The following RORA variants were observed in gnomAD, a reference collection of about 807,000 sequenced individuals.
The protein encoded by RORA is nuclear receptor ROR-alpha.
A neutral mutation model predicts 69.5 loss-of-function variants in RORA; 7 were observed. The observed-to-expected ratio is 0.10, with a 90% CI of 0.06 to 0.19. RORA has a LOEUF of 0.19. Among genes scored for constraint, RORA ranks in the 10% least tolerant of loss-of-function variants. The pLI, the probability that RORA is intolerant of heterozygous loss-of-function variation, is 1.00. For synonymous variants in RORA, 261 were observed against 240.8 expected (o/e 1.08, Z -0.78); for missense variants, 457 against 663.0 (o/e 0.69, Z 3.41).
intron 1 of RORA, among the ~76,000 whole-genome samples, chr15:60,704,031 A>G (rs1436667960): frequency 3.9e-5 from 6 of 152,242 alleles, no homozygotes; most frequent in Non-Finnish European, 8.8e-5. Flanking sequence ...GGGTACAATA[A>G]AATGAACTTG....
chr15:61,080,028 A>T (rs191253838), intron 1 of RORA, among the ~76,000 whole-genome samples: 1 of 152,294 alleles, frequency 6.6e-6, no homozygotes, highest in East Asian at 1.9e-4. Flanking sequence ...CACAGTAAGG[A>T]TTATGGGAAT....
At chr15:61,011,645 A>G (rs1895090939) in intron 1 of RORA, among the ~76,000 whole-genome samples, 2 of 152,306 alleles carry the variant, frequency 1.3e-5, no homozygotes, top group South Asian at 4.1e-4. Flanking sequence ...CATAAAAAGT[A>G]TTAGCTATTT....
intron 1 of RORA, among the ~76,000 whole-genome samples, chr15:61,012,127 A>G (rs1248858233): frequency 1.3e-5 from 2 of 152,238 alleles, no homozygotes; most frequent in African/African-American, 4.8e-5. Context: ...ATTTACTGTG[A>G]GGCTCTGTGC....
intron 2 of RORA, among the ~76,000 whole-genome samples, chr15:60,594,861 T>A (rs1329987268): frequency 6.6e-6 from 1 of 152,244 alleles, no homozygotes; most frequent in African/African-American, 2.4e-5. Context: ...CTTCATTCAC[T>A]TCCTACAACT....
At chr15:60,624,156 T>C (rs938419773) in intron 2 of RORA, among the ~76,000 whole-genome samples, 6 of 152,132 alleles carry the variant, frequency 3.9e-5, no homozygotes, top group African/African-American at 1.4e-4. Flanking sequence ...TAAGGTATTG[T>C]TCAACATTGG....
chr15:60,536,739 G>A (rs2066692364), intron 2 of RORA, among the ~76,000 whole-genome samples: 1 of 152,240 alleles, frequency 6.6e-6, no homozygotes. Context: ...GCCAATGGCC[G>A]AACCTTGGGT....
intron 1 of RORA, among the ~76,000 whole-genome samples, chr15:61,098,670 G>C (rs1242611738): frequency 1.3e-5 from 2 of 152,032 alleles, no homozygotes; most frequent in African/African-American, 4.8e-5. Context: ...AGCTGTAAAG[G>C]GCTTCCATGT....
chr15:60,535,712 G>T (rs780924644), intron 2 of RORA, among the ~76,000 whole-genome samples: 1 of 152,134 alleles, frequency 6.6e-6, no homozygotes, highest in Non-Finnish European at 1.5e-5. Context: ...AATAAAAATT[G>T]TATGACAGGC....
At chr15:60,612,514 G>A (rs2069116142) in intron 2 of RORA, among the ~76,000 whole-genome samples, 1 of 152,038 alleles carries the variant, frequency 6.6e-6, no homozygotes, top group South Asian at 2.1e-4. Context: ...TTCCTGAATT[G>A]TCATTCTTAG....
intron 1 of RORA, among the ~76,000 whole-genome samples, chr15:60,799,058 G>A (rs2072542306): frequency 6.6e-6 from 1 of 152,006 alleles, no homozygotes; most frequent in Admixed American, 6.5e-5. Context: ...TCAGTGAGAG[G>A]GCAGGGACCT....
At chr15:60,644,884 T>C (rs183400931) in intron 2 of RORA, among the ~76,000 whole-genome samples, 1 of 152,300 alleles carries the variant, frequency 6.6e-6, no homozygotes, top group Non-Finnish European at 1.5e-5. Context: ...GCCCGTCTTA[T>C]GAAGGTGGCT....
chr15:61,115,215 T>G (rs1475811173), intron 1 of RORA, among the ~76,000 whole-genome samples: 2 of 152,048 alleles, frequency 1.3e-5, no homozygotes, highest in Non-Finnish European at 2.9e-5. Context: ...GGCTTTCGCA[T>G]CCTTTAATTT....
chr15:60,762,873 C>T (rs556501108), intron 1 of RORA, among the ~76,000 whole-genome samples: 3 of 152,052 alleles, frequency 2.0e-5, no homozygotes, highest in African/African-American at 2.4e-5. Context: ...TTAGAACTTC[C>T]GCTACCTGAT....
chr15:60,760,261 C>T (rs1595692554), intron 1 of RORA, among the ~76,000 whole-genome samples: 1 of 152,210 alleles, frequency 6.6e-6, no homozygotes, highest in East Asian at 1.9e-4. Context: ...GCTAAACATT[C>T]TCTGGCACCT....
intron 1 of RORA, among the ~76,000 whole-genome samples, chr15:60,900,739 G>C (rs921082249): frequency 2.6e-5 from 4 of 152,060 alleles, no homozygotes; most frequent in Non-Finnish European, 4.4e-5. Context: ...GGGAGTGGTG[G>C]TGTGCGCCTG....
chr15:60,627,490 G>A, intron 2 of RORA: 1 of 1,548,722 alleles, frequency 6.5e-7, no homozygotes, highest in East Asian at 2.3e-5. Context: ...GAGAATGATG[G>A]GGAGGAGTAT....
chr15:60,881,496 G>A (rs576624494), intron 1 of RORA, among the ~76,000 whole-genome samples: 15 of 152,206 alleles, frequency 9.9e-5, no homozygotes, highest in Non-Finnish European at 2.9e-5. Flanking sequence ...CTTAAACTGC[G>A]AGGCTGGCCA....
At chr15:60,934,879 T>A (rs898389498) in intron 1 of RORA, among the ~76,000 whole-genome samples, 1 of 152,246 alleles carries the variant, frequency 6.6e-6, no homozygotes, top group African/African-American at 2.4e-5. Context: ...CATCCACCTA[T>A]GCCATTGGCT....
At chr15:60,983,199 A>C (rs773317857) in intron 1 of RORA, among the ~76,000 whole-genome samples, 1 of 152,040 alleles carries the variant, frequency 6.6e-6, no homozygotes, top group Non-Finnish European at 1.5e-5. Flanking sequence ...GTTTCATTAT[A>C]CTCTGTTCCC....
Sources: gnomAD v4.1 joint callset for allele counts (sites outside exome capture counted in the v4.1 genomes callset) on GRCh38, gnomAD v4.1.1 for gene constraint, MANE v1.5 for transcripts, NCBI Gene and HGNC (gene_info 2026-07-23, HGNC 2026-07-21) for gene names.